MYO3A: variants seen among roughly 807,000 people sequenced by gnomAD.
MYO3A encodes the protein myosin-IIIa.
MYO3A carries 180 observed loss-of-function variants against 192.7 expected under a neutral mutation model. The observed-to-expected ratio is 0.93, with a 90% CI of 0.83 to 1.06. The LOEUF (loss-of-function observed/expected upper bound fraction) is 1.06. Ranked by LOEUF, MYO3A falls within the 50% of genes least tolerant of loss-of-function variation. The pLI, the probability that MYO3A is intolerant of heterozygous loss-of-function variation, is 0.00. For synonymous variants in MYO3A, 628 were observed against 645.3 expected (o/e 0.97, Z 0.41); for missense variants, 1,896 against 1,905.0 (o/e 1.00, Z 0.09).
intron 17 of MYO3A, among the ~76,000 whole-genome samples, chr10:26,114,415 T>C (rs1351767982): frequency 6.6e-6 from 1 of 152,098 alleles, no homozygotes; most frequent in Non-Finnish European, 1.5e-5. Flanking sequence ...ACAAAATCAC[T>C]GAAAAGGAAA....
rs1267089400 is a variant in MYO3A, at chr10:26,070,392, G to A, written c.1350G>A (p.Val450=). ...ATCTTTTAGTTCAGCAGCTGACAGT[G>A]CTTGGAAAGGTATAATTTATTTTTT... The part of the protein sequence containing the change: ...NAHLLVQQLT[V]LGKANNRTLQ... The change falls in exon 14 of 35, where the codon GTG becomes GTA. Residue 450 remains valine (V), a synonymous_variant. Transcript: ENST00000642920. 1 of 1,612,376 alleles carries A rather than the reference G, an allele frequency of 6.2e-7. No individual in the cohort carries two copies. The highest frequency in any genetic ancestry group is 8.5e-7 in the Non-Finnish European group (1 of 1,178,960).
chr10:26,074,614 T>G (rs74126391), intron 14 of MYO3A, among the ~76,000 whole-genome samples: 22 of 148,064 alleles, frequency 1.5e-4, no homozygotes, highest in African/African-American at 5.4e-4. Flanking sequence ...TTATATTTAA[T>G]TATATATACA....
intron 17 of MYO3A, among the ~76,000 whole-genome samples, chr10:26,110,965 A>G (rs1838141882): frequency 1.3e-5 from 2 of 150,980 alleles, no homozygotes; most frequent in African/African-American, 4.9e-5. Flanking sequence ...CCTGAGCTCA[A>G]TCTGTCCTCC....
At chr10:26,007,958 C>T (rs1841347602) in intron 6 of MYO3A, among the ~76,000 whole-genome samples, 1 of 151,898 alleles carries the variant, frequency 6.6e-6, no homozygotes, top group African/African-American at 2.4e-5. Context: ...AAGCTAAAGG[C>T]ATCACACTAC....
At chr10:26,088,158 TTAA>T in intron 14 of MYO3A, 42 bp from the exon 15 acceptor site, 1 of 1,430,128 alleles carries the variant, frequency 7.0e-7, no homozygotes, top group East Asian at 2.5e-5. Context: ...ATATACCAAA[TTAA>T]TTTTTTATGT....
chr10:26,061,622 G>T (rs17666495), intron 10 of MYO3A, among the ~76,000 whole-genome samples: 71,757 of 151,802 alleles, frequency 0.47, 17,788 homozygotes, highest in Middle Eastern at 0.59. Context: ...TGCCAAGAAA[G>T]TTTTAAGTTG....
chr10:26,210,673 A>G (rs1407457866), intron 34 of MYO3A, among the ~76,000 whole-genome samples: 2 of 152,174 alleles, frequency 1.3e-5, no homozygotes, highest in African/African-American at 4.8e-5. Flanking sequence ...AGTCCTTGAC[A>G]TGGTCTCAAA....
chr10:26,100,140 G>A (rs894053720), intron 17 of MYO3A, among the ~76,000 whole-genome samples: 10 of 152,004 alleles, frequency 6.6e-5, no homozygotes, highest in African/African-American at 2.4e-4. Flanking sequence ...GTCTTGGGAG[G>A]GTGTATGTGT....
Position 26,166,069 on chromosome 10 carries a change from A to G in MYO3A, c.3002A>G (p.Tyr1001Cys). 1 of 1,613,760 alleles carries G rather than the reference A, an allele frequency of 6.2e-7. No individual in the cohort carries two copies. Among genetic ancestry groups the G allele is most frequent in the Non-Finnish European group, 8.5e-7 (1 of 1,179,636 alleles). Residue 1001 changes from tyrosine (Y) to cysteine (C), a missense_variant and splice_region_variant, in exon 27 of 35, where the codon TAC becomes TGC. Transcript: ENST00000642920. ...RILFANFIKR[Y>C]YLLCYKSSEE... ...CCAGCCCTTTTTTCCATTCCAAGGT[A>G]CTACCTTCTCTGCTACAAGTCGAGC...
intron 7 of MYO3A, among the ~76,000 whole-genome samples, chr10:26,017,526 C>T (rs778505507): frequency 1.3e-5 from 2 of 152,000 alleles, no homozygotes; most frequent in Non-Finnish European, 2.9e-5. Flanking sequence ...TTGGGGAAAG[C>T]GCTGCTATTT....
intron 4 of MYO3A, among the ~76,000 whole-genome samples, chr10:25,966,324 C>T (rs1005428867): frequency 1.9e-4 from 29 of 152,242 alleles, no homozygotes; most frequent in Middle Eastern, 3.4e-3. Context: ...TGTTACTCTG[C>T]ACCAGCCATT....
Position 26,173,861 on chromosome 10 carries a change from G to A in MYO3A, c.3597G>A (p.Glu1199=), listed in dbSNP as rs3740232. 0.34 allele frequency: 554,212 copies of A among 1,613,704 alleles called. 96,361 individuals carry two copies. Among genetic ancestry groups the A allele is most frequent in the Middle Eastern group, 0.44 (2,642 of 6,060 alleles). Reference sequence around the variant, plus strand: ...AAATGAATAATGTGTATGAGGAAGAGGTTAAGCAAGAATTCTACCTTGTAG... The same window carrying A: ...AAATGAATAATGTGTATGAGGAAGAAGTTAAGCAAGAATTCTACCTTGTAG... ...PKKMNNVYEE[E]VKQEFYLVGP... Residue 1199 remains glutamate, a synonymous_variant, in exon 30 of 35, where the codon GAG becomes GAA. Coordinates refer to ENST00000642920, the MANE Select transcript of MYO3A (RefSeq NM_017433.5).
chr10:26,005,652 C>T (rs1323235621), intron 6 of MYO3A, among the ~76,000 whole-genome samples: 1 of 151,976 alleles, frequency 6.6e-6, no homozygotes, highest in Non-Finnish European at 1.5e-5. Flanking sequence ...AGTTTTCTTG[C>T]CAACTTTTCT....
chr10:26,208,282 G>A (rs982863654), intron 34 of MYO3A, among the ~76,000 whole-genome samples: 4 of 151,994 alleles, frequency 2.6e-5, no homozygotes, highest in Non-Finnish European at 5.9e-5. Flanking sequence ...GATCAATGGA[G>A]GATAAAAAGG....
chr10:25,994,404 C>T (rs563281455), intron 4 of MYO3A, among the ~76,000 whole-genome samples: 44 of 152,236 alleles, frequency 2.9e-4, no homozygotes, highest in Non-Finnish European at 4.4e-4. Context: ...AGCCTACGTG[C>T]GTCTCTGCAC....
At chr10:26,065,716 G>A (rs1211498077) in intron 10 of MYO3A, among the ~76,000 whole-genome samples, 2 of 152,004 alleles carry the variant, frequency 1.3e-5, no homozygotes, top group African/African-American at 2.4e-5. Flanking sequence ...TTGTTTGTGG[G>A]GTGGGTGATA....
Position 26,173,728 on chromosome 10 carries a change from CA to C in MYO3A, c.3467del (p.Asn1156IlefsTer8), listed in dbSNP as rs1338801752. 6.2e-7 allele frequency: 1 copy of C among 1,613,866 alleles called. No individual in the cohort carries two copies. ...GCTAATGAAAGATTCATTTCAGCTCCAAATAATAAAGGAAGTGTATCTGTAG... is the reference window on the plus strand; with the variant it reads ...GCTAATGAAAGATTCATTTCAGCTCCAATAATAAAGGAAGTGTATCTGTAG... The part of the protein sequence containing the change: ...ISANERFISA[P>X]NNKGSVSVVK... On this transcript the variant is annotated frameshift_variant, in exon 30 of 35. Transcript: ENST00000642920. LOFTEE classifies it high-confidence loss of function.
At chr10:26,016,760 A>C (rs550156019) in intron 6 of MYO3A, 60 bp from the exon 7 acceptor site, 4 of 1,491,640 alleles carry the variant, frequency 2.7e-6, no homozygotes, top group East Asian at 2.3e-5. Context: ...GATTATAGCA[A>C]TTGAAAGCTC....
chr10:26,102,043 G>A (rs145998558), intron 17 of MYO3A, among the ~76,000 whole-genome samples: 1,963 of 152,216 alleles, frequency 0.013, 35 homozygotes, highest in African/African-American at 0.043. Context: ...CCAATCAGAC[G>A]TAGATTTGAT....
Sources: allele counts gnomAD v4.1 joint callset (sites outside exome capture counted in the v4.1 genomes callset), GRCh38; gene constraint gnomAD v4.1.1; transcripts MANE v1.5; gene names NCBI Gene and HGNC (gene_info 2026-07-23, HGNC 2026-07-21).